The following RFWD3 variants were observed in gnomAD, a reference collection of about 807,000 sequenced individuals.
RFWD3 encodes ring finger and WD repeat domain 3.
A neutral mutation model predicts 87.7 loss-of-function variants in RFWD3; 65 were observed. The observed-to-expected ratio is 0.74, with a 90% CI of 0.61 to 0.91. The LOEUF (loss-of-function observed/expected upper bound fraction) is 0.91. Ranked by LOEUF, RFWD3 falls within the 40% of genes least tolerant of loss-of-function variation. The pLI is 0.00. For synonymous variants in RFWD3, 433 were observed against 352.8 expected, an observed-to-expected ratio of 1.23 and a Z score of -2.55; for missense variants, 1,078 against 938.5, an observed-to-expected ratio of 1.15 and a Z score of -1.94.
At chr16:74,661,820 T>C (rs1293833002) in intron 1 of RFWD3, among the ~76,000 whole-genome samples, 1 of 152,186 alleles carries the variant, frequency 6.6e-6, no homozygotes, top group African/African-American at 2.4e-5. Flanking sequence ...CAAAATCAAA[T>C]GCATATAATG....
intron 10 of RFWD3, among the ~76,000 whole-genome samples, chr16:74,630,350 G>A (rs1270129418): frequency 3.3e-5 from 5 of 152,144 alleles, no homozygotes; most frequent in East Asian, 1.9e-4. Context: ...TGTCCGCCTC[G>A]TCTTCCCAAA....
In RFWD3 at chr16:74,636,498, G is replaced by T; in HGVS notation, c.1274C>A (p.Ser425Ter). ...CTTGTGCTGGCCCTGGCTGGAGGGT[G>T]AGCAGCTCAGGACCCATGCTTGGGA... is the stretch of plus-strand genomic sequence containing the variant. ...RGSQAWVLSC[S>*]PSSQGQHKHK... The change falls in exon 8 of 13, where the codon TCA becomes TAA. Residue 425 changes from serine (S) to a stop codon, truncating the protein, a stop_gained. Coordinates refer to ENST00000361070, the MANE Select transcript of RFWD3 (RefSeq NM_018124.4). LOFTEE classifies it high-confidence loss of function. 1.2e-6 allele frequency: 2 copies of T among 1,614,020 alleles called. No individual in the cohort carries two copies. Among genetic ancestry groups the T allele is most frequent in the Non-Finnish European group, 1.7e-6 (2 of 1,180,036 alleles).
At position 74,630,366 on chromosome 16, in the gene RFWD3, G is replaced by C. The variant is rs138862404; in HGVS notation, c.1754+415C>G. On this transcript the variant is annotated intron_variant, in intron 10 of 12. Transcript: ENST00000361070. ...GTCCGCCTCGTCTTCCCAAAGTGCT[G>C]GGATTACAGGCGTAAGCCACCGCAC... 9.5e-4 allele frequency among the ~76,000 whole-genome samples: 144 copies of C among 152,274 alleles called. 1 individual carries two copies. Among genetic ancestry groups the C allele is most frequent in the Admixed American group, 1.8e-3 (28 of 15,288 alleles).
intron 2 of RFWD3, 35 bp from the exon 3 acceptor site, chr16:74,652,157 A>C: frequency 6.4e-7 from 1 of 1,573,688 alleles, no homozygotes; most frequent in Non-Finnish European, 8.7e-7. Flanking sequence ...ATTATAGTAC[A>C]ATGAACTATC....
intron 9 of RFWD3, 65 bp downstream of exon 9, chr16:74,632,458 A>G (rs1195830989): frequency 6.5e-7 from 1 of 1,539,862 alleles, no homozygotes; most frequent in African/African-American, 1.4e-5. Flanking sequence ...CATAACACCG[A>G]TACGAATTCC....
At chr16:74,626,852 C>A (rs2144027144) in intron 11 of RFWD3, among the ~76,000 whole-genome samples, 1 of 152,262 alleles carries the variant, frequency 6.6e-6, no homozygotes, top group East Asian at 1.9e-4. Context: ...AAATCAGTCT[C>A]CTGCCAGACC....
At chr16:74,642,221 C>G (rs1368749843) in intron 6 of RFWD3, among the ~76,000 whole-genome samples, 1 of 151,962 alleles carries the variant, frequency 6.6e-6, no homozygotes, top group Non-Finnish European at 1.5e-5. Context: ...CTCCCAGGTT[C>G]AAGCGATTCT....
chr16:74,660,875 C>CA, intron 2 of RFWD3, 57 bp downstream of exon 2: 1 of 1,535,060 alleles, frequency 6.5e-7, no homozygotes, highest in Non-Finnish European at 8.8e-7. Flanking sequence ...GGCAGAGCCT[C>CA]AGTTTCATAA....
intron 6 of RFWD3, among the ~76,000 whole-genome samples, chr16:74,638,985 T>A (rs1312509081): frequency 6.6e-6 from 1 of 151,896 alleles, no homozygotes; most frequent in Non-Finnish European, 1.5e-5. Flanking sequence ...AATGGTACTA[T>A]AATGGTATTT....
intron 7 of RFWD3, among the ~76,000 whole-genome samples, 168 bp downstream of exon 7, chr16:74,637,688 T>C (rs1411642063): frequency 1.3e-5 from 2 of 152,182 alleles, no homozygotes; most frequent in Non-Finnish European, 2.9e-5. Flanking sequence ...AAGTGTGTAG[T>C]AAGTTTTGAA....
In RFWD3 at chr16:74,661,006, T is replaced by C. The variant is rs747255492; in HGVS notation, c.444A>G (p.Pro148=). Residue 148 remains proline (P), a synonymous_variant, in exon 2 of 13, where the codon CCA becomes CCG. Transcript: ENST00000361070. The part of the protein sequence containing the change: ...RPSSSNHSVG[P]MRTRRRVSAS... ...CAGATACCCTCCTTCTTGTTCTCAT[T>C]GGCCCTACACTGTGGTTTGAAGATG... is the stretch of plus-strand genomic sequence containing the variant. The C allele has an allele frequency of 3.1e-6, 5 of 1,614,208 alleles. No homozygotes were observed. Among genetic ancestry groups the C allele is most frequent in the African/African-American group, 1.3e-5 (1 of 75,058 alleles).
chr16:74,630,241 G>A (rs911660583), intron 10 of RFWD3, among the ~76,000 whole-genome samples: 3 of 152,194 alleles, frequency 2.0e-5, no homozygotes, highest in African/African-American at 4.8e-5. Context: ...GATTACAGGC[G>A]TGTGCCACCA....
chr16:74,652,232 T>G, intron 2 of RFWD3, 110 bp from the exon 3 acceptor site: 1 of 940,734 alleles, frequency 1.1e-6, no homozygotes. Context: ...TCCAGGCCAT[T>G]AAATGCTGCC....
At position 74,624,891 on chromosome 16, in the gene RFWD3, C is replaced by A. The variant is rs946475942; in HGVS notation, c.2182-820G>T. Among the ~76,000 whole-genome samples, 2 of 152,090 alleles carry A rather than the reference C, an allele frequency of 1.3e-5. 1 individual carries two copies. Among genetic ancestry groups the A allele is most frequent in the Admixed American group, 1.3e-4 (2 of 15,258 alleles). ...CCCGCAGTCCCAGCTACTCAAGAGG[C>A]TGAAGGAGGATTGCTTAAGCTGAGG... is the stretch of plus-strand genomic sequence containing the variant. On this transcript the variant is annotated intron_variant, in intron 12 of 12. Transcript: ENST00000361070.
In RFWD3 at chr16:74,649,125, A is replaced by G. The variant is rs200766584; in HGVS notation, c.792+7T>C. 5 of 1,556,026 alleles carry G rather than the reference A, an allele frequency of 3.2e-6. No individual in the cohort carries two copies. Among genetic ancestry groups the G allele is most frequent in the Non-Finnish European group, 4.4e-6 (5 of 1,147,996 alleles). ...AATAGATTTTTTTAAAATGATGTTC[A>G]TATTACCTGTTTGGGGAGGGTCTTG... is the stretch of plus-strand genomic sequence containing the variant. On this transcript the variant is annotated splice_region_variant and intron_variant, in intron 4 of 12. Coordinates refer to ENST00000361070, the MANE Select transcript of RFWD3 (RefSeq NM_018124.4).
chr16:74,644,758 T>A (rs2144201818), intron 4 of RFWD3, 23 bp from the exon 5 acceptor site: 1 of 1,574,336 alleles, frequency 6.4e-7, no homozygotes, highest in Non-Finnish European at 8.6e-7. Flanking sequence ...CAGAATATAT[T>A]CAAATTAGAG....
intron 7 of RFWD3, 56 bp from the exon 8 acceptor site, chr16:74,636,633 A>G (rs1409991611): frequency 8.0e-7 from 1 of 1,255,336 alleles, no homozygotes; most frequent in Non-Finnish European, 1.1e-6. Flanking sequence ...ATTCCCCTCA[A>G]ATACAATTCC....
At chr16:74,637,760 C>T in intron 7 of RFWD3, 96 bp downstream of exon 7, 1 of 880,972 alleles carries the variant, frequency 1.1e-6, no homozygotes, top group South Asian at 1.5e-5. Context: ...AACAACTTGG[C>T]AAATCCTATT....
In RFWD3 at chr16:74,625,821, C is replaced by T. The variant is rs548378112; in HGVS notation, c.2181+522G>A. Among the ~76,000 whole-genome samples the T allele has an allele frequency of 1.3e-4, 20 of 152,344 alleles. No individual in the cohort carries two copies. The South Asian group carries it at 4.1e-3, about 32-fold the overall frequency. On this transcript the variant is annotated intron_variant, in intron 12 of 12. Transcript: ENST00000361070. ...AAGTTCTTCCTTGGCACTAAGCACACTTTAAGTGCTCATGTGACTAGTGTG... is the reference window on the plus strand; with the variant it reads ...AAGTTCTTCCTTGGCACTAAGCACATTTTAAGTGCTCATGTGACTAGTGTG...
Sources: allele counts gnomAD v4.1 joint callset (sites outside exome capture counted in the v4.1 genomes callset), GRCh38; gene constraint gnomAD v4.1.1; transcripts MANE v1.5; gene names NCBI Gene and HGNC (gene_info 2026-07-23, HGNC 2026-07-21).